Variants in ETNK2 observed in about 807,000 individuals in gnomAD.
ETNK2 encodes the protein ethanolamine kinase-like protein.
ETNK2 carries 33 observed loss-of-function variants against 46.2 expected under a neutral mutation model. The observed-to-expected ratio is 0.71, with a 90% CI of 0.54 to 0.96. The LOEUF (loss-of-function observed/expected upper bound fraction) is 0.96. Among genes scored for constraint, ETNK2 ranks in the 40% least tolerant of loss-of-function variants. The probability of loss-of-function intolerance (pLI) is 0.00; values close to 1 mark genes in which losing one functional copy is unlikely to be tolerated. For synonymous variants in ETNK2, 194 were observed against 209.0 expected (o/e 0.93, Z 0.62); for missense variants, 445 against 509.7 (o/e 0.87, Z 1.22).
chr1:204,151,401 G>C lies in ETNK2; in HGVS notation c.258+194C>G, dbSNP rs1657999720. ...CCCCGGGAGGAGGGGGGCGTGTGCA[G>C]GGCCAAGGGAGGTGTGAGCCTAGTT... On this transcript the variant is annotated intron_variant, in intron 1 of 7. Coordinates refer to ENST00000367202, the MANE Select transcript of ETNK2 (RefSeq NM_018208.4). The surrounding 1 kb of genome is among the most constrained non-coding windows in gnomAD (Gnocchi z 8.0). 1 of 800,576 alleles carries C rather than the reference G, an allele frequency of 1.2e-6. No individual in the cohort carries two copies. Among genetic ancestry groups the C allele is most frequent in the African/African-American group, 1.8e-5 (1 of 54,692 alleles). The allele number at this position is 800,576 out of a possible 1,614,324, so 49.6% of individuals were successfully genotyped here.
At chr1:204,138,141 C>T (rs944250310) in intron 5 of ETNK2, among the ~76,000 whole-genome samples, 7 of 152,224 alleles carry the variant, frequency 4.6e-5, no homozygotes, top group Admixed American at 3.9e-4. Context: ...GATGTACAAA[C>T]GGAGGCCCAG....
At chr1:204,135,565 G>C (rs1384478111) in intron 6 of ETNK2, among the ~76,000 whole-genome samples, 3 of 152,054 alleles carry the variant, frequency 2.0e-5, no homozygotes, top group African/African-American at 7.2e-5. Context: ...CCCCATCCCA[G>C]AATCCTCCTC....
At position 204,151,613 on chromosome 1, in the gene ETNK2, G is replaced by A; in HGVS notation, c.240C>T (p.Pro80=). The change falls in exon 1 of 8, where the codon CCC becomes CCT. Residue 80 remains proline (P), a synonymous_variant. Transcript: ENST00000367202. The surrounding 1 kb of genome is among the most constrained non-coding windows in gnomAD (Gnocchi z 8.0). Reference sequence around the variant, plus strand: ...CCGCTACCTTGGTCCGAACTTGCTCGGGTTTCCAATGCGGCCGCAGCTCCT... The same window carrying A: ...CCGCTACCTTGGTCCGAACTTGCTCAGGTTTCCAATGCGGCCGCAGCTCCT... The part of the protein sequence containing the change: ...LIQELRPHWK[P]EQVRTKRFTD... The A allele has an allele frequency of 6.5e-7, 1 of 1,548,558 alleles. No homozygotes were observed. Among genetic ancestry groups the A allele is most frequent in the East Asian group, 2.5e-5 (1 of 40,588 alleles).
chr1:204,141,487 A>G, intron 3 of ETNK2, 30 bp from the exon 4 acceptor site: 3 of 1,554,970 alleles, frequency 1.9e-6, no homozygotes, highest in Non-Finnish European at 2.6e-6. Context: ...GTAGCCAGTG[A>G]AAGGAGGGCT....
At position 204,132,164 on chromosome 1, in the gene ETNK2, G is replaced by A. The variant is rs574964789; in HGVS notation, c.*20C>T. ...CAGGTCTGGCCAGACAGATGGGTAGGGGAGGGATGGGGTGGCTGGTCACTT... is the reference window on the plus strand; with the variant it reads ...CAGGTCTGGCCAGACAGATGGGTAGAGGAGGGATGGGGTGGCTGGTCACTT... On this transcript the variant is annotated 3_prime_UTR_variant, in exon 8 of 8. Coordinates refer to ENST00000367202, the MANE Select transcript of ETNK2 (RefSeq NM_018208.4). The A allele has an allele frequency of 1.3e-5, 20 of 1,555,848 alleles. No individual in the cohort carries two copies. In the South Asian group the frequency reaches 1.3e-4, roughly 10 times the overall value.
chr1:204,151,513 G>T lies in ETNK2; in HGVS notation c.258+82C>A. ...CGCGCACCCCTGGGACTGACACCCG[G>T]AAGGATGCGAGGACTGGGTCCCCGC... On this transcript the variant is annotated intron_variant, in intron 1 of 7. Transcript: ENST00000367202. This position sits in a 1 kb window ranked among gnomAD's most constrained non-coding sequence, Gnocchi z 8.0. 2 of 1,526,002 alleles carry T rather than the reference G, an allele frequency of 1.3e-6. No homozygotes were observed. Among genetic ancestry groups the T allele is most frequent in the South Asian group, 1.2e-5 (1 of 82,220 alleles). 94.5% of individuals were successfully genotyped at this position (1,526,002 alleles called of 1,614,324 possible).
At chr1:204,139,540 A>G (rs531624051) in intron 5 of ETNK2, among the ~76,000 whole-genome samples, 4 of 152,272 alleles carry the variant, frequency 2.6e-5, no homozygotes, top group African/African-American at 9.6e-5. Context: ...TTAAGCTGTG[A>G]TATTTTGGAG....
intron 2 of ETNK2, 76 bp from the exon 3 acceptor site, chr1:204,146,840 T>G: frequency 1.9e-5 from 30 of 1,569,624 alleles, no homozygotes; most frequent in Non-Finnish European, 2.5e-5. Context: ...CCTGGCCAGA[T>G]AGGGACCCTC....
chr1:204,141,259 C>A (rs1333213178), intron 4 of ETNK2, 56 bp downstream of exon 4: 2 of 1,612,176 alleles, frequency 1.2e-6, no homozygotes, highest in Non-Finnish European at 1.7e-6. Flanking sequence ...CTCCGTGAAG[C>A]CAGCTAACCA....
chr1:204,141,659 T>G, intron 3 of ETNK2: 1 of 593,772 alleles, frequency 1.7e-6, no homozygotes, highest in East Asian at 2.8e-5. Flanking sequence ...CCTCTGGTTA[T>G]GCTAGGAAGC....
At chr1:204,135,022 G>C (rs1198317611) in intron 6 of ETNK2, among the ~76,000 whole-genome samples, 2 of 152,174 alleles carry the variant, frequency 1.3e-5, no homozygotes, top group Non-Finnish European at 2.9e-5. Flanking sequence ...TGGGGGGCTG[G>C]AGCCTCTCAG....
intron 5 of ETNK2, among the ~76,000 whole-genome samples, chr1:204,139,378 C>G (rs1447083926): frequency 6.6e-6 from 1 of 152,166 alleles, no homozygotes; most frequent in Non-Finnish European, 1.5e-5. Flanking sequence ...TAAGCTGGGT[C>G]TGCCTGGAGG....
At chr1:204,135,996 G>A (rs537139313) in intron 6 of ETNK2, among the ~76,000 whole-genome samples, 2 of 152,230 alleles carry the variant, frequency 1.3e-5, no homozygotes, top group South Asian at 4.1e-4. Context: ...GAGCCTGTTG[G>A]GAAAAGCTTA....
intron 4 of ETNK2, 24 bp downstream of exon 4, chr1:204,141,291 G>T (rs1657521845): frequency 6.2e-7 from 1 of 1,613,804 alleles, no homozygotes; most frequent in Non-Finnish European, 8.5e-7. Flanking sequence ...CCCTGCTGCT[G>T]CCCCAGGGCC....
At chr1:204,143,251 C>T (rs1427699456) in intron 3 of ETNK2, among the ~76,000 whole-genome samples, 2 of 151,578 alleles carry the variant, frequency 1.3e-5, no homozygotes, top group African/African-American at 2.4e-5. Context: ...GGACTGAGAC[C>T]ATCAAAAGGG....
At chr1:204,147,964 A>G (rs1657857119) in intron 2 of ETNK2, among the ~76,000 whole-genome samples, 2 of 152,214 alleles carry the variant, frequency 1.3e-5, no homozygotes, top group Admixed American at 6.5e-5. Flanking sequence ...TCCCTTCCCA[A>G]AGGAAGATTC....
rs780309918 is a variant in ETNK2, at chr1:204,132,251, G to A, written c.1094C>T (p.Ala365Val). The A allele has an allele frequency of 3.8e-6, 6 of 1,567,956 alleles. No homozygotes were observed. Among genetic ancestry groups the A allele is most frequent in the Admixed American group, 1.9e-5 (1 of 52,816 alleles). Reference protein sequence around the residue: ...STIDFDFLRYAVIRFNQYFKV... With the variant: ...STIDFDFLRYVVIRFNQYFKV... ...GAAGTACTGGTTGAATCGGATCACTGCGTACCTGTGGGGAAGACAGAAGGA... is the reference window on the plus strand; with the variant it reads ...GAAGTACTGGTTGAATCGGATCACTACGTACCTGTGGGGAAGACAGAAGGA... The change falls in exon 8 of 8, where the codon GCA becomes GTA. Residue 365 changes from alanine (A) to valine (V), a missense_variant. Ala to Val is a moderately conservative substitution (Grantham distance 64). Transcript: ENST00000367202.
rs963716254 is a variant in ETNK2 at position 204,141,348 on chromosome 1, G to A, written c.751C>T (p.Leu251Phe). Residue 251 changes from leucine (L) to phenylalanine (F), a missense_variant, in exon 4 of 8, where the codon CTC becomes TTC. Physicochemically the swap from Leu to Phe is conservative, Grantham distance 22. Coordinates refer to ENST00000367202, the MANE Select transcript of ETNK2 (RefSeq NM_018208.4). The stretch of plus-strand genomic sequence containing the variant: ...CTGTCATAGATGATATTCTTGCAGA[G>A]CAGGTCATTGTGACAAAACACCACA... The part of the protein sequence containing the change: ...SPVVFCHNDL[L>F]CKNIIYDSIK... The A allele has an allele frequency of 6.2e-7, 1 of 1,614,040 alleles. No individual in the cohort carries two copies. Among genetic ancestry groups the A allele is most frequent in the Non-Finnish European group, 8.5e-7 (1 of 1,179,902 alleles).
chr1:204,140,628 G>A (rs558737499), intron 4 of ETNK2, among the ~76,000 whole-genome samples: 2 of 151,746 alleles, frequency 1.3e-5, no homozygotes, highest in African/African-American at 2.4e-5. Flanking sequence ...TGGTTCAAGC[G>A]ATTCTCCTGC....
Sources: allele counts gnomAD v4.1 joint callset (sites outside exome capture counted in the v4.1 genomes callset), GRCh38; gene constraint gnomAD v4.1.1; non-coding constraint Gnocchi (gnomAD v3.1); transcripts MANE v1.5; gene names NCBI Gene and HGNC (gene_info 2026-07-23, HGNC 2026-07-21).